MGAT5: variants seen among roughly 807,000 people sequenced by gnomAD.
MGAT5 encodes alpha-1,6-mannosylglycoprotein 6-beta-N-acetylglucosaminyltransferase.
A neutral mutation model predicts 94.3 loss-of-function variants in MGAT5; 30 were observed. The ratio of observed to expected loss-of-function variants is 0.32; its 90% CI spans 0.24 to 0.43. The LOEUF is 0.43. MGAT5 is among the 20% of genes least tolerant of loss of function. MGAT5 has a pLI of 1.00. For missense variants in MGAT5, 691 were observed against 905.5 expected (o/e 0.76, Z 3.04); for synonymous variants, 310 against 322.9 (o/e 0.96, Z 0.43).
intron 2 of MGAT5, among the ~76,000 whole-genome samples, chr2:134,275,943 A>G (rs1461330873): frequency 2.0e-5 from 3 of 152,104 alleles, no homozygotes; most frequent in Admixed American, 6.5e-5. Flanking sequence ...CCTACAATAT[A>G]TAAGACACTG....
intron 5 of MGAT5, among the ~76,000 whole-genome samples, chr2:134,336,594 C>G (rs990915304): frequency 6.6e-6 from 1 of 152,064 alleles, no homozygotes; most frequent in Non-Finnish European, 1.5e-5. Flanking sequence ...ATCTCTGTCA[C>G]AAATGCTGTA....
intron 1 of MGAT5, among the ~76,000 whole-genome samples, chr2:134,160,121 T>G (rs1292295032): frequency 4.6e-5 from 7 of 152,116 alleles, no homozygotes; most frequent in African/African-American, 1.7e-4. Flanking sequence ...GCCTGACTGG[T>G]GTGGTGGAGC....
upstream of MGAT5, among the ~76,000 whole-genome samples, chr2:134,249,336 C>A (rs1573611463): frequency 6.6e-6 from 1 of 151,442 alleles, no homozygotes; most frequent in East Asian, 1.9e-4. Flanking sequence ...ATGCTCCTAT[C>A]ACCACAATTT....
chr2:134,300,043 C>A (rs1049574742), intron 2 of MGAT5, among the ~76,000 whole-genome samples: 2 of 152,148 alleles, frequency 1.3e-5, no homozygotes, highest in African/African-American at 2.4e-5. Flanking sequence ...ATATTCATTT[C>A]TATGTTCTAG....
intron 2 of MGAT5, among the ~76,000 whole-genome samples, chr2:134,292,438 C>T (rs1434578377): frequency 6.6e-6 from 1 of 152,156 alleles, no homozygotes; most frequent in Non-Finnish European, 1.5e-5. Flanking sequence ...CAACTCTCTT[C>T]AATCCGACAG....
At chr2:134,208,344 T>C (rs947426298) in intron 1 of MGAT5, among the ~76,000 whole-genome samples, 5 of 152,234 alleles carry the variant, frequency 3.3e-5, no homozygotes, top group African/African-American at 4.8e-5. Flanking sequence ...TTGCAACAAA[T>C]ACTTAACTAT....
chr2:134,166,143 AGAC>A lies in MGAT5; in HGVS notation c.-143+45853_-143+45855del, dbSNP rs1034452523. Among the ~76,000 whole-genome samples, 17 of 152,230 alleles carry A rather than the reference AGAC, an allele frequency of 1.1e-4. 1 individual carries two copies. Among genetic ancestry groups the A allele is most frequent in the African/African-American group, 3.9e-4 (16 of 41,528 alleles). On this transcript the variant is annotated intron_variant, in intron 1 of 16. Coordinates refer to the MGAT5 transcript ENST00000409645. Reference sequence around the variant, plus strand: ...TTTCCTTCATAGCCTCTGATGAGGGAGACTGTCTTTTCACACGTATTGAGCCAG... The same window carrying A: ...TTTCCTTCATAGCCTCTGATGAGGGATGTCTTTTCACACGTATTGAGCCAG...
intron 1 of MGAT5, among the ~76,000 whole-genome samples, chr2:134,178,408 A>G (rs9808181): frequency 0.16 from 24,695 of 152,038 alleles, 2,286 homozygotes; most frequent in African/African-American, 0.24. Flanking sequence ...GCTGATGGAA[A>G]GGGCATTGGG....
chr2:134,385,114 G>C (rs534308793), intron 10 of MGAT5, among the ~76,000 whole-genome samples: 2 of 152,182 alleles, frequency 1.3e-5, no homozygotes, highest in Non-Finnish European at 2.9e-5. Context: ...TTAAGCTGCT[G>C]TTATTGATTC....
At chr2:134,221,473 GAA>G (rs1680766633) in intron 1 of MGAT5, among the ~76,000 whole-genome samples, 1 of 152,234 alleles carries the variant, frequency 6.6e-6, no homozygotes, top group South Asian at 2.1e-4. Flanking sequence ...GAGAGAGAGA[GAA>G]AGAGAGAGCA....
intron 1 of MGAT5, among the ~76,000 whole-genome samples, chr2:134,190,614 C>G (rs768350017): frequency 1.3e-5 from 2 of 152,148 alleles, no homozygotes; most frequent in Non-Finnish European, 2.9e-5. Flanking sequence ...AGTTACAAAG[C>G]TCAAAGGAGG....
chr2:134,292,326 T>A (rs1685418539), intron 2 of MGAT5, among the ~76,000 whole-genome samples: 1 of 152,138 alleles, frequency 6.6e-6, no homozygotes, highest in Admixed American at 6.5e-5. Context: ...GCTTCACATA[T>A]AGCATCTCAT....
intron 2 of MGAT5, among the ~76,000 whole-genome samples, chr2:134,271,765 C>T (rs1408880038): frequency 6.6e-6 from 1 of 152,204 alleles, no homozygotes; most frequent in Non-Finnish European, 1.5e-5. Context: ...GCAGTGTCAT[C>T]TAGGCCGTAA....
At chr2:134,422,496 G>A (rs1324999068) in intron 12 of MGAT5, among the ~76,000 whole-genome samples, 3 of 152,060 alleles carry the variant, frequency 2.0e-5, no homozygotes, top group African/African-American at 2.4e-5. Flanking sequence ...GGTGATTTTC[G>A]GGGCTGGGTT....
intron 7 of MGAT5, among the ~76,000 whole-genome samples, chr2:134,342,358 G>GATT (rs1688680708): frequency 1.3e-5 from 2 of 152,110 alleles, no homozygotes; most frequent in African/African-American, 4.8e-5. Flanking sequence ...AGTCACTTAG[G>GATT]ATTACTGCCC....
At chr2:134,326,038 T>TTCTCTC (rs61556184) in intron 4 of MGAT5, among the ~76,000 whole-genome samples, 66 of 135,538 alleles carry the variant, frequency 4.9e-4, no homozygotes, top group Middle Eastern at 3.7e-3. Flanking sequence ...TGATTTCTCT[T>TTCTCTC]TCTCTCTCTC....
At chr2:134,218,992 T>C (rs1166708191) in intron 1 of MGAT5, among the ~76,000 whole-genome samples, 1 of 151,896 alleles carries the variant, frequency 6.6e-6, no homozygotes, top group East Asian at 1.9e-4. Flanking sequence ...GCCACAGAGA[T>C]GAGTAAGATC....
At chr2:134,319,306 C>A (rs1687183925) in intron 4 of MGAT5, among the ~76,000 whole-genome samples, 1 of 152,086 alleles carries the variant, frequency 6.6e-6, no homozygotes, top group Non-Finnish European at 1.5e-5. Context: ...TCTTCATATT[C>A]TCACCTACAC....
At chr2:134,120,282 C>T (rs1409926226) in exon 1 of MGAT5, 3 of 390,348 alleles carry the variant, frequency 7.7e-6, no homozygotes, top group Non-Finnish European at 1.4e-5. Context: ...TGCTGCTGCC[C>T]AACAAGGAGG....
Sources: gnomAD v4.1 joint callset for allele counts (sites outside exome capture counted in the v4.1 genomes callset) on GRCh38, gnomAD v4.1.1 for gene constraint, MANE v1.5 for transcripts, NCBI Gene and HGNC (gene_info 2026-07-23, HGNC 2026-07-21) for gene names.